NCALD: variants seen among roughly 807,000 people sequenced by gnomAD.
The protein encoded by NCALD is neurocalcin delta, also known as neurocalcin-delta.
NCALD carries 10 observed loss-of-function variants against 18.6 expected under a neutral mutation model. The observed-to-expected ratio is 0.54, with a 90% CI of 0.33 to 0.91. NCALD has a LOEUF of 0.91. Among genes scored for constraint, NCALD ranks in the 40% least tolerant of loss-of-function variants. The pLI, the probability that NCALD is intolerant of heterozygous loss-of-function variation, is 0.03. For missense variants in NCALD, 184 were observed against 247.6 expected (o/e 0.74, Z 1.72); for synonymous variants, 88 against 87.4 (o/e 1.01, Z -0.04).
At position 101,995,537 on chromosome 8, in the gene NCALD, C is replaced by A. The variant is rs57940153; in HGVS notation, c.-157+24700G>T. Among the ~76,000 whole-genome samples, 1,137 of 152,058 alleles carry A rather than the reference C, an allele frequency of 7.5e-3. 16 individuals are homozygous for A. Among genetic ancestry groups the A allele is most frequent in the African/African-American group, 0.026 (1,073 of 41,448 alleles). ...AAGGGGTAGCAGGCACATCACATGG[C>A]GAAAACAGGAGCAAGAGAAAGGGGA... On this transcript the variant is annotated intron_variant, in intron 2 of 6. Transcript: ENST00000311028.
At chr8:101,697,852 C>G (rs1448728582) in intron 2 of NCALD, among the ~76,000 whole-genome samples, 3 of 152,164 alleles carry the variant, frequency 2.0e-5, no homozygotes. Context: ...TGGGCAAAAG[C>G]TGGAGGCATT....
At position 101,955,616 on chromosome 8, in the gene NCALD, G is replaced by C. The variant is rs79192226; in HGVS notation, c.-156-39758C>G. 9.3e-3 allele frequency among the ~76,000 whole-genome samples: 1,409 copies of C among 152,182 alleles called. 16 individuals carry two copies. The highest frequency in any genetic ancestry group is 0.027 in the Middle Eastern group (8 of 294). On this transcript the variant is annotated intron_variant, in intron 2 of 6. Coordinates refer to the NCALD transcript ENST00000311028. The stretch of plus-strand genomic sequence containing the variant: ...GACTTGGGCTCACATATTTATAAAA[G>C]TTTCCAGTAAAACATAAATTAGTAC...
At chr8:101,990,678 T>C (rs1236117532) in intron 2 of NCALD, among the ~76,000 whole-genome samples, 2 of 152,218 alleles carry the variant, frequency 1.3e-5, no homozygotes, top group African/African-American at 4.8e-5. Context: ...GCCACGATTG[T>C]GAGGCCTCCA....
intron 4 of NCALD, chr8:101,872,088 G>A (rs543938507): frequency 3.2e-6 from 5 of 1,543,006 alleles, no homozygotes; most frequent in East Asian, 4.5e-5. Context: ...AATTGGGTAT[G>A]CAGGTGGTTG....
chr8:102,062,422 C>A (rs1048792352), intron 1 of NCALD, among the ~76,000 whole-genome samples: 2 of 152,168 alleles, frequency 1.3e-5, no homozygotes, highest in African/African-American at 4.8e-5. Flanking sequence ...GAATGGAAGC[C>A]CCCTAAGGGC....
chr8:101,903,002 C>CT, intron 3 of NCALD, among the ~76,000 whole-genome samples: 1 of 152,262 alleles, frequency 6.6e-6, no homozygotes, highest in Admixed American at 6.5e-5. Context: ...ATTTTAAAGG[C>CT]TTACAGCCTC....
At chr8:101,736,275 C>T (rs1039286916) in intron 1 of NCALD, among the ~76,000 whole-genome samples, 7 of 152,174 alleles carry the variant, frequency 4.6e-5, no homozygotes, top group African/African-American at 1.7e-4. Context: ...TGTATAGCAT[C>T]ATCAATCTTG....
rs71268543 is a variant in NCALD, at chr8:102,069,197, C to CA, written c.-209-48909dup. ...AAAGAGACTTTAAATGTTCTCACCA[C>CA]AAAAAAAAAAATGATAAATATGTGA... On this transcript the variant is annotated intron_variant, in intron 1 of 6. Coordinates refer to the NCALD transcript ENST00000311028. 1.3e-4 allele frequency among the ~76,000 whole-genome samples: 20 copies of CA among 149,470 alleles called. No individual in the cohort carries two copies. In the East Asian group the frequency reaches 1.6e-3, roughly 12 times the overall value.
At chr8:101,788,902 C>A (rs1812342565) in intron 1 of NCALD, 1 of 152,038 alleles carries the variant, frequency 6.6e-6, no homozygotes, top group Non-Finnish European at 1.5e-5. Context: ...TAGGAAAAGA[C>A]CTGTAGATTC....
chr8:101,933,926 T>C (rs1818665269), intron 2 of NCALD, among the ~76,000 whole-genome samples: 1 of 152,140 alleles, frequency 6.6e-6, no homozygotes. Context: ...AAATATATGA[T>C]AGTGGCTTGG....
intron 4 of NCALD, among the ~76,000 whole-genome samples, chr8:101,845,555 G>A (rs1283527473): frequency 2.6e-5 from 4 of 152,126 alleles, no homozygotes; most frequent in South Asian, 4.2e-4. Context: ...GATTGTAATT[G>A]TAACTGTACA....
chr8:101,956,164 T>C (rs1398744590), intron 2 of NCALD, among the ~76,000 whole-genome samples: 3 of 152,180 alleles, frequency 2.0e-5, no homozygotes, highest in Non-Finnish European at 4.4e-5. Context: ...AAATCATGGA[T>C]GTAAAAGGAA....
chr8:102,017,940 C>A (rs148541102), intron 2 of NCALD, among the ~76,000 whole-genome samples: 1 of 152,056 alleles, frequency 6.6e-6, no homozygotes, highest in Non-Finnish European at 1.5e-5. Context: ...ATGATTTGAA[C>A]AGACACTTTA....
At chr8:101,759,514 T>C (rs1811026399) in intron 1 of NCALD, among the ~76,000 whole-genome samples, 1 of 152,192 alleles carries the variant, frequency 6.6e-6, no homozygotes, top group Admixed American at 6.5e-5. Flanking sequence ...CTGGAAGGAC[T>C]TGTCATCTGA....
At chr8:102,046,609 A>G (rs1823247744) in intron 1 of NCALD, among the ~76,000 whole-genome samples, 1 of 152,012 alleles carries the variant, frequency 6.6e-6, no homozygotes, top group African/African-American at 2.4e-5. Flanking sequence ...GGCTCAAGTG[A>G]TCCTCCCGCC....
At chr8:101,804,393 A>AAT (rs1034251253) in intron 4 of NCALD, among the ~76,000 whole-genome samples, 2 of 136,838 alleles carry the variant, frequency 1.5e-5, no homozygotes. Flanking sequence ...TATATATAGA[A>AAT]ATATATATAT....
intron 1 of NCALD, among the ~76,000 whole-genome samples, chr8:102,036,635 C>T (rs991269243): frequency 4.0e-5 from 6 of 151,710 alleles, no homozygotes; most frequent in Admixed American, 1.3e-4. Context: ...ATTAGCTGGG[C>T]GTGGTGGTGC....
intron 2 of NCALD, among the ~76,000 whole-genome samples, chr8:101,968,137 C>CTA (rs1282792792): frequency 6.6e-6 from 1 of 152,170 alleles, no homozygotes; most frequent in Non-Finnish European, 1.5e-5. Context: ...CTACAGACCT[C>CTA]CAGGTTTCTC....
intron 4 of NCALD, among the ~76,000 whole-genome samples, chr8:101,814,887 T>C (rs1173158913): frequency 6.6e-6 from 1 of 152,030 alleles, no homozygotes; most frequent in African/African-American, 2.4e-5. Flanking sequence ...CTAACAAATA[T>C]GAATGAGATC....
Sources: gnomAD v4.1 joint callset for allele counts (sites outside exome capture counted in the v4.1 genomes callset) on GRCh38, gnomAD v4.1.1 for gene constraint, MANE v1.5 for transcripts, NCBI Gene and HGNC (gene_info 2026-07-23, HGNC 2026-07-21) for gene names.